Variants in PDE7B observed in about 807,000 individuals in gnomAD.
PDE7B encodes the protein phosphodiesterase 7B, also known as 3',5'-cyclic-AMP phosphodiesterase 7B.
A neutral mutation model predicts 56.2 loss-of-function variants in PDE7B; 29 were observed. That is an observed-to-expected ratio of 0.52 (90% confidence interval 0.38 to 0.70). The LOEUF (loss-of-function observed/expected upper bound fraction) is 0.70. Ranked by LOEUF, PDE7B falls within the 30% of genes least tolerant of loss-of-function variation. The probability of loss-of-function intolerance (pLI) is 0.00; values close to 1 mark genes in which losing one functional copy is unlikely to be tolerated. For synonymous variants in PDE7B, 197 were observed against 196.9 expected (o/e 1.00, Z 0.00); for missense variants, 490 against 565.0 (o/e 0.87, Z 1.35).
At chr6:136,076,831 G>C (rs1777134898) in intron 2 of PDE7B, among the ~76,000 whole-genome samples, 1 of 152,090 alleles carries the variant, frequency 6.6e-6, no homozygotes, top group Non-Finnish European at 1.5e-5. Context: ...AAGGTCATGG[G>C]AATGAAGGCA....
intron 1 of PDE7B, among the ~76,000 whole-genome samples, chr6:135,943,826 T>G (rs1012415023): frequency 1.3e-5 from 2 of 152,230 alleles, no homozygotes; most frequent in Non-Finnish European, 2.9e-5. Flanking sequence ...TTTGACTCTT[T>G]ATGGTCTCTG....
chr6:136,181,204 C>T (rs1779058571), intron 10 of PDE7B, 23 bp from the exon 11 acceptor site: 1 of 1,572,652 alleles, frequency 6.4e-7, no homozygotes, highest in Non-Finnish European at 8.8e-7. Flanking sequence ...CTCACAATTT[C>T]TCCCCGCCCT....
intron 2 of PDE7B, chr6:136,064,509 G>C (rs1045761021): frequency 1.3e-5 from 2 of 152,170 alleles, no homozygotes; most frequent in Non-Finnish European, 2.9e-5. Context: ...CATGGAGACA[G>C]TTCCTCTCCT....
chr6:136,113,673 C>T (rs1366966032), intron 3 of PDE7B, among the ~76,000 whole-genome samples: 1 of 152,252 alleles, frequency 6.6e-6, no homozygotes, highest in African/African-American at 2.4e-5. Context: ...CTCCCAATGT[C>T]GATTTCCTAT....
chr6:136,098,149 A>AAAAAAAAAATAT (rs1311774244), intron 2 of PDE7B: 1 of 135,540 alleles, frequency 7.4e-6, no homozygotes, highest in African/African-American at 2.7e-5. Context: ...GGGGGGGGGA[A>AAAAAAAAAATAT]ATATATGTAT....
intron 3 of PDE7B, chr6:136,116,938 A>G (rs142082074): frequency 2.0e-5 from 3 of 152,354 alleles, no homozygotes; most frequent in East Asian, 3.9e-4. Flanking sequence ...TCCTTTAGTG[A>G]GAAACTCTAA....
At chr6:135,908,111 G>A (rs1159778986) in intron 1 of PDE7B, among the ~76,000 whole-genome samples, 3 of 150,310 alleles carry the variant, frequency 2.0e-5, no homozygotes, top group African/African-American at 4.9e-5. Flanking sequence ...TTCTTGAGAC[G>A]GAGTTTTGCT....
intron 5 of PDE7B, among the ~76,000 whole-genome samples, chr6:136,150,422 CA>C (rs1778490081): frequency 6.6e-6 from 1 of 152,148 alleles, no homozygotes; most frequent in African/African-American, 2.4e-5. Flanking sequence ...AATTCTTCTG[CA>C]TGTGGATATC....
In PDE7B at chr6:136,037,896, T is replaced by TC. The variant is rs1434190604; in HGVS notation, c.83-70834dup. ...CTAGAACCTCGATGGCTTTTTTTTT[T>TC]CTCCCTGCTGTCGTTCCAGCTGTAG... On this transcript the variant is annotated intron_variant, in intron 2 of 12. Coordinates refer to ENST00000308191, the MANE Select transcript of PDE7B (RefSeq NM_018945.4). 3.2e-5 allele frequency: 38 copies of TC among 1,172,822 alleles called. No individual in the cohort carries two copies. The East Asian group carries it at 6.7e-4, about 21-fold the overall frequency. The allele number at this position is 1,172,822 out of a possible 1,614,324, so 72.7% of individuals were successfully genotyped here.
chr6:136,025,311 G>C (rs1463114301), intron 2 of PDE7B, among the ~76,000 whole-genome samples: 1 of 152,142 alleles, frequency 6.6e-6, no homozygotes, highest in African/African-American at 2.4e-5. Context: ...AAATTTCCAT[G>C]TAAAATGCTA....
intron 2 of PDE7B, among the ~76,000 whole-genome samples, chr6:136,102,077 G>A (rs201091035): frequency 6.6e-6 from 1 of 152,162 alleles, no homozygotes; most frequent in East Asian, 1.9e-4. Flanking sequence ...AAGGGCTCCC[G>A]AGGGCACCTG....
intron 8 of PDE7B, among the ~76,000 whole-genome samples, chr6:136,158,612 G>C (rs1778651110): frequency 6.6e-6 from 1 of 152,174 alleles, no homozygotes; most frequent in South Asian, 2.1e-4. Flanking sequence ...GAGATAAAGA[G>C]AGAGCAGGGC....
chr6:136,002,333 C>A (rs1432771393), intron 2 of PDE7B, among the ~76,000 whole-genome samples: 1 of 152,102 alleles, frequency 6.6e-6, no homozygotes, highest in African/African-American at 2.4e-5. Context: ...ATGACAGGAT[C>A]AAATTCACAC....
chr6:136,030,977 C>A (rs1776238165), intron 2 of PDE7B, among the ~76,000 whole-genome samples: 1 of 152,170 alleles, frequency 6.6e-6, no homozygotes. Flanking sequence ...AAAGTTAACC[C>A]ATAAGGGGAA....
intron 3 of PDE7B, among the ~76,000 whole-genome samples, chr6:136,128,729 C>T (rs995082377): frequency 6.6e-6 from 1 of 152,104 alleles, no homozygotes; most frequent in Non-Finnish European, 1.5e-5. Context: ...AATATGATAA[C>T]GCATATATGG....
chr6:135,957,906 G>A (rs915575034), intron 2 of PDE7B, among the ~76,000 whole-genome samples: 2 of 152,034 alleles, frequency 1.3e-5, no homozygotes, highest in Admixed American at 1.3e-4. Flanking sequence ...AATGTCCCCT[G>A]AGCTGGGCCC....
intron 8 of PDE7B, among the ~76,000 whole-genome samples, chr6:136,159,421 A>G (rs1562509183): frequency 6.6e-6 from 1 of 152,188 alleles, no homozygotes. Flanking sequence ...GCAGACAGCA[A>G]TTGGCATCCC....
chr6:135,992,597 A>T (rs1313258412), intron 2 of PDE7B, among the ~76,000 whole-genome samples: 1 of 152,190 alleles, frequency 6.6e-6, no homozygotes, highest in Non-Finnish European at 1.5e-5. Flanking sequence ...ATGCATTAGA[A>T]TAAACAGATT....
intron 6 of PDE7B, 29 bp downstream of exon 6, chr6:136,151,284 C>G (rs1235618996): frequency 8.4e-7 from 1 of 1,191,810 alleles, no homozygotes; most frequent in Non-Finnish European, 1.3e-6. Flanking sequence ...ATTTCTAGCC[C>G]CATTCTCTTG....
Sources: allele counts gnomAD v4.1 joint callset (sites outside exome capture counted in the v4.1 genomes callset), GRCh38; gene constraint gnomAD v4.1.1; transcripts MANE v1.5; gene names NCBI Gene and HGNC (gene_info 2026-07-23, HGNC 2026-07-21).